UBR3: variants seen among roughly 807,000 people sequenced by gnomAD.
UBR3 encodes ubiquitin protein ligase E3 component n-recognin 3, also known as E3 ubiquitin-protein ligase UBR3.
In UBR3, 85 loss-of-function variants were observed where a neutral mutation model predicts 243.2. The ratio of observed to expected loss-of-function variants is 0.35; its 90% CI spans 0.29 to 0.42. The LOEUF is 0.42. UBR3 is among the 10% of genes least tolerant of loss of function. The pLI, the probability that UBR3 is intolerant of heterozygous loss-of-function variation, is 1.00. For missense variants in UBR3, 1,686 were observed against 2,300.8 expected (o/e 0.73, Z 5.47); for synonymous variants, 748 against 799.8 (o/e 0.94, Z 1.09).
At chr2:169,997,088 C>T (rs1001311533) in intron 26 of UBR3, among the ~76,000 whole-genome samples, 1 of 150,128 alleles carries the variant, frequency 6.7e-6, no homozygotes, top group Non-Finnish European at 1.5e-5. Flanking sequence ...AATTGGGAAA[C>T]AATGCTAAGT....
At chr2:170,037,507 C>T (rs2090863947) in intron 31 of UBR3, among the ~76,000 whole-genome samples, 1 of 152,100 alleles carries the variant, frequency 6.6e-6, no homozygotes, top group Non-Finnish European at 1.5e-5. Flanking sequence ...TCTGACTCAG[C>T]CTCCCAAATA....
chr2:169,967,375 G>T (rs1038441163), intron 24 of UBR3, among the ~76,000 whole-genome samples: 20 of 151,558 alleles, frequency 1.3e-4, no homozygotes, highest in African/African-American at 4.4e-4. Context: ...TTCAGGCACA[G>T]GATAGAAGTG....
chr2:169,894,882 C>T lies in UBR3; in HGVS notation c.1106-299C>T, dbSNP rs137908249. Among the ~76,000 whole-genome samples the T allele has an allele frequency of 1.4e-4, 21 of 152,248 alleles. No homozygotes were observed. In the East Asian group the frequency reaches 3.7e-3, roughly 27 times the overall value. ...CATCATAGTTGACACTTCTTGTATC[C>T]TCTTGATGTCTTTGTGGATAATGCT... On this transcript the variant is annotated intron_variant, in intron 6 of 38. Transcript: ENST00000272793.
intron 18 of UBR3, among the ~76,000 whole-genome samples, chr2:169,931,178 T>C (rs145781625): frequency 0.04 from 6,080 of 151,744 alleles, 177 homozygotes; most frequent in East Asian, 0.11. Context: ...GGTGAAACCC[T>C]GTCTCTACTA....
intron 5 of UBR3, among the ~76,000 whole-genome samples, chr2:169,883,104 A>G (rs1216206910): frequency 6.6e-6 from 1 of 152,212 alleles, no homozygotes; most frequent in South Asian, 2.1e-4. Context: ...TCACAATTTT[A>G]TGACTTAGGA....
intron 18 of UBR3, among the ~76,000 whole-genome samples, 171 bp from the exon 19 acceptor site, chr2:169,932,741 T>G (rs1432755627): frequency 1.3e-5 from 2 of 152,228 alleles, no homozygotes; most frequent in Non-Finnish European, 2.9e-5. Flanking sequence ...GAAATTGTGA[T>G]TTTTGACTTA....
rs190669433 is a variant in UBR3 at position 169,956,500 on chromosome 2, T to C, written c.3546-1938T>C. ...GGCCAACATCATTGAGAGTTAACTT[T>C]GATGAATAAGTTGAGTGATCAACCT... On this transcript the variant is annotated intron_variant, in intron 23 of 38. Coordinates refer to ENST00000272793, the MANE Select transcript of UBR3 (RefSeq NM_172070.4). Among the ~76,000 whole-genome samples the C allele has an allele frequency of 2.0e-3, 301 of 152,212 alleles. 3 individuals are homozygous for C. The highest frequency in any genetic ancestry group is 6.9e-3 in the African/African-American group (288 of 41,532).
At chr2:169,967,243 C>A (rs1372434502) in intron 24 of UBR3, among the ~76,000 whole-genome samples, 1 of 133,082 alleles carries the variant, frequency 7.5e-6, no homozygotes, top group African/African-American at 2.8e-5. Flanking sequence ...CCCCCCACCC[C>A]CCTACAGGGT....
intron 8 of UBR3, among the ~76,000 whole-genome samples, chr2:169,898,970 G>A (rs1258018712): frequency 6.6e-6 from 1 of 151,676 alleles, no homozygotes; most frequent in Non-Finnish European, 1.5e-5. Flanking sequence ...CAAAGTGCTG[G>A]GATTACAGGC....
chr2:170,037,593 G>T (rs918625888), intron 31 of UBR3, among the ~76,000 whole-genome samples: 5 of 151,996 alleles, frequency 3.3e-5, no homozygotes, highest in Non-Finnish European at 1.5e-5. Context: ...TCACCATATT[G>T]GTCAGGCTGG....
At chr2:170,063,877 C>CT (rs1312780103) in intron 35 of UBR3, among the ~76,000 whole-genome samples, 3 of 152,150 alleles carry the variant, frequency 2.0e-5, no homozygotes, top group African/African-American at 7.2e-5. Context: ...TTTCTCTGGG[C>CT]TGTGTACCAG....
chr2:170,051,971 C>T (rs936994508), intron 32 of UBR3, among the ~76,000 whole-genome samples: 1 of 152,064 alleles, frequency 6.6e-6, no homozygotes, highest in African/African-American at 2.4e-5. Flanking sequence ...ATAGCTTTAA[C>T]TATACCTATT....
chr2:170,073,484 C>CCAAA lies in UBR3; in HGVS notation c.5079_5082dup (p.Glu1695AsnfsTer19). The CCAAA allele has an allele frequency of 6.2e-7, 1 of 1,613,808 alleles. No homozygotes were observed. ...GCCTGGGACTTCTGCCAACGTTTTA[C>CCAAA]CAAACAGAACATCCATTCATCAGTG... On this transcript the variant is annotated frameshift_variant, in exon 36 of 39. Transcript: ENST00000272793. LOFTEE classifies it high-confidence loss of function.
chr2:170,016,071 T>G (rs1173506463), intron 30 of UBR3, among the ~76,000 whole-genome samples: 2 of 150,358 alleles, frequency 1.3e-5, no homozygotes, highest in African/African-American at 4.9e-5. Context: ...GAAATAAAAC[T>G]TGTTTAAAAC....
At chr2:170,045,976 T>TA (rs1424328398) in intron 32 of UBR3, among the ~76,000 whole-genome samples, 7 of 150,692 alleles carry the variant, frequency 4.6e-5, no homozygotes, top group Non-Finnish European at 1.0e-4. Context: ...TTTTTTTTTT[T>TA]TTTTTTTTTT....
intron 29 of UBR3, among the ~76,000 whole-genome samples, chr2:170,013,097 C>T (rs528829177): frequency 1.4e-4 from 22 of 152,086 alleles, no homozygotes; most frequent in African/African-American, 4.6e-4. Context: ...TTTTCTTTGA[C>T]AGCAAAAAGC....
intron 30 of UBR3, among the ~76,000 whole-genome samples, chr2:170,024,514 A>G (rs1485254465): frequency 2.0e-5 from 3 of 152,090 alleles, no homozygotes; most frequent in Non-Finnish European, 2.9e-5. Flanking sequence ...GAGGTCATAA[A>G]AATTGGCATA....
chr2:169,892,880 A>G (rs78593868), intron 6 of UBR3, among the ~76,000 whole-genome samples: 3 of 152,356 alleles, frequency 2.0e-5, no homozygotes, highest in East Asian at 3.9e-4. Flanking sequence ...TATGGCCAAG[A>G]TTCCAAGATT....
At chr2:169,993,263 G>A (rs1403565773) in intron 25 of UBR3, among the ~76,000 whole-genome samples, 1 of 152,122 alleles carries the variant, frequency 6.6e-6, no homozygotes, top group Non-Finnish European at 1.5e-5. Context: ...ATACATTGTG[G>A]AATGATTAAG....
Sources: allele counts gnomAD v4.1 joint callset (sites outside exome capture counted in the v4.1 genomes callset), GRCh38; gene constraint gnomAD v4.1.1; transcripts MANE v1.5; gene names NCBI Gene and HGNC (gene_info 2026-07-23, HGNC 2026-07-21).